Variants in ERP27 observed in about 807,000 individuals in gnomAD.
The protein encoded by ERP27 is endoplasmic reticulum protein 27.
A neutral mutation model predicts 27.7 loss-of-function variants in ERP27; 23 were observed. The ratio of observed to expected loss-of-function variants is 0.83; its 90% CI spans 0.60 to 1.18. ERP27 has a LOEUF of 1.18. ERP27 is among the 50% of genes most tolerant of loss of function. The probability of loss-of-function intolerance (pLI) is 0.00; values close to 1 mark genes in which losing one functional copy is unlikely to be tolerated. For synonymous variants in ERP27, 159 were observed against 118.3 expected (o/e 1.34, Z -2.23); for missense variants, 363 against 327.9 (o/e 1.11, Z -0.83).
At chr12:14,918,404 G>A (rs1004570231) in intron 4 of ERP27, among the ~76,000 whole-genome samples, 2 of 152,192 alleles carry the variant, frequency 1.3e-5, no homozygotes, top group African/African-American at 4.8e-5. Context: ...GATTAGAGAT[G>A]GTGATTTTTC....
At chr12:14,917,891 T>G (rs1251138430) in intron 4 of ERP27, among the ~76,000 whole-genome samples, 1 of 152,222 alleles carries the variant, frequency 6.6e-6, no homozygotes, top group African/African-American at 2.4e-5. Context: ...ATTATCAATG[T>G]TTTTTATTTG....
Position 14,914,488 on chromosome 12 carries a change from A to G in ERP27, c.*247T>C, listed in dbSNP as rs1270584099. 5 of 488,356 alleles carry G rather than the reference A, an allele frequency of 1.0e-5. No homozygotes were observed. The highest frequency in any genetic ancestry group is 1.9e-5 in the African/African-American group (1 of 51,284). The allele number at this position is 488,356 out of a possible 1,614,324, so 30.3% of individuals were successfully genotyped here. A position where few individuals can be genotyped will look rare whatever the true frequency, so the allele number is the denominator to read the frequency against. On this transcript the variant is annotated 3_prime_UTR_variant, in exon 7 of 7. Transcript: ENST00000266397. ...ATGCACGATAAGAAGGAAATTGGAT[A>G]GGGAGTGAGGATATGAAATTTAAAA... is the stretch of plus-strand genomic sequence containing the variant.
At chr12:14,921,400 T>C (rs1356905838) in intron 3 of ERP27, among the ~76,000 whole-genome samples, 1 of 152,106 alleles carries the variant, frequency 6.6e-6, no homozygotes, top group Non-Finnish European at 1.5e-5. Flanking sequence ...CATATGAAAA[T>C]ACTGTGAGAT....
chr12:14,929,475 A>C (rs1421800145), intron 3 of ERP27, among the ~76,000 whole-genome samples: 1 of 152,204 alleles, frequency 6.6e-6, no homozygotes, highest in Non-Finnish European at 1.5e-5. Context: ...TTATTTGCAT[A>C]ATGCACTGGA....
At chr12:14,924,267 A>G (rs914677626) in intron 3 of ERP27, among the ~76,000 whole-genome samples, 1 of 152,094 alleles carries the variant, frequency 6.6e-6, no homozygotes, top group African/African-American at 2.4e-5. Flanking sequence ...TTCTTTCTCC[A>G]TTCATCTGCT....
chr12:14,935,690 C>G (rs1181337745), intron 2 of ERP27, among the ~76,000 whole-genome samples: 1 of 152,168 alleles, frequency 6.6e-6, no homozygotes, highest in African/African-American at 2.4e-5. Flanking sequence ...CTGCCCTTAA[C>G]ATACAAAGAA....
chr12:14,918,279 G>C (rs1237320730), intron 4 of ERP27, among the ~76,000 whole-genome samples: 1 of 152,164 alleles, frequency 6.6e-6, no homozygotes, highest in Non-Finnish European at 1.5e-5. Flanking sequence ...CATGCACAGT[G>C]GATAGCAAAA....
chr12:14,917,064 C>T (rs1418225398), intron 5 of ERP27, 114 bp downstream of exon 5: 7 of 1,255,970 alleles, frequency 5.6e-6, no homozygotes, highest in Non-Finnish European at 7.8e-6. Context: ...TCTTGCTTTG[C>T]TATCTCCTAA....
At chr12:14,925,068 C>G (rs115015101) in intron 3 of ERP27, among the ~76,000 whole-genome samples, 4,274 of 152,312 alleles carry the variant, frequency 0.028, 198 homozygotes, top group African/African-American at 0.097. Flanking sequence ...AAATGGACAA[C>G]CAGCAGCCCT....
Position 14,935,241 on chromosome 12 carries a change from ATAGAGC to A in ERP27, c.196-254_196-249del, listed in dbSNP as rs898616005. 5.1e-6 allele frequency: 4 copies of A among 780,430 alleles called. No homozygotes were observed. In the African/African-American group the frequency reaches 7.5e-5, roughly 15 times the overall value. The allele number at this position is 780,430 out of a possible 1,614,324, so 48.3% of individuals were successfully genotyped here. On this transcript the variant is annotated intron_variant, in intron 2 of 6. Transcript: ENST00000266397. Reference sequence around the variant, plus strand: ...CCTGAGACTCCTGTCAGGCCTTGTCATAGAGCTTGAAGTTTACTAGGGGCTGAGAGA... The same window carrying A: ...CCTGAGACTCCTGTCAGGCCTTGTCATTGAAGTTTACTAGGGGCTGAGAGA...
intron 3 of ERP27, among the ~76,000 whole-genome samples, chr12:14,933,617 C>T (rs759570928): frequency 4.6e-5 from 7 of 152,078 alleles, no homozygotes; most frequent in Admixed American, 1.3e-4. Flanking sequence ...CATTCAGTCC[C>T]GAAATACTGA....
At chr12:14,930,030 G>A (rs979324966) in intron 3 of ERP27, among the ~76,000 whole-genome samples, 2 of 151,858 alleles carry the variant, frequency 1.3e-5, no homozygotes, top group Non-Finnish European at 2.9e-5. Context: ...TAGGGGGCTG[G>A]GGGAGGGAGA....
At chr12:14,930,819 T>G (rs567359565) in intron 3 of ERP27, among the ~76,000 whole-genome samples, 49 of 152,350 alleles carry the variant, frequency 3.2e-4, no homozygotes, top group African/African-American at 1.1e-3. Context: ...TATTTCTAAA[T>G]ATGTTCTTAA....
chr12:14,937,845 A>C (rs1592280916), intron 2 of ERP27, 107 bp downstream of exon 2: 1 of 836,340 alleles, frequency 1.2e-6, no homozygotes, highest in Non-Finnish European at 1.9e-6. Flanking sequence ...GTCTCCCTTT[A>C]CCCCCACTTC....
chr12:14,915,305 C>T (rs1303234372), intron 6 of ERP27, among the ~76,000 whole-genome samples, 184 bp downstream of exon 6: 3 of 152,138 alleles, frequency 2.0e-5, no homozygotes, highest in Non-Finnish European at 2.9e-5. Flanking sequence ...ATACATTGTT[C>T]TTAATGACAG....
At chr12:14,925,707 T>A (rs1863589743) in intron 3 of ERP27, among the ~76,000 whole-genome samples, 1 of 152,198 alleles carries the variant, frequency 6.6e-6, no homozygotes, top group Non-Finnish European at 1.5e-5. Flanking sequence ...GTTTATCAGG[T>A]CACTTGGTGA....
At position 14,920,340 on chromosome 12, in the gene ERP27, G is replaced by A. The variant is rs568963841; in HGVS notation, c.450+592C>T. Among the ~76,000 whole-genome samples, 11 of 152,282 alleles carry A rather than the reference G, an allele frequency of 7.2e-5. No individual in the cohort carries two copies. The East Asian group carries it at 2.1e-3, about 29-fold the overall frequency. ...AGTCAAAGCATGGTTTGCAGCTGCTGCCAGACCAGGAACTGTTTGTTACTG... is the reference window on the plus strand; with the variant it reads ...AGTCAAAGCATGGTTTGCAGCTGCTACCAGACCAGGAACTGTTTGTTACTG... On this transcript the variant is annotated intron_variant, in intron 4 of 6. Transcript: ENST00000266397.
chr12:14,933,073 T>TATTCATTC (rs145855574), intron 3 of ERP27, among the ~76,000 whole-genome samples: 18 of 152,242 alleles, frequency 1.2e-4, no homozygotes, highest in African/African-American at 4.1e-4. Flanking sequence ...AAGAAGAACA[T>TATTCATTC]ATTCATTCAT....
In ERP27 at chr12:14,934,935, A is replaced by G. The variant is rs1565454382; in HGVS notation, c.254T>C (p.Val85Ala). The G allele has an allele frequency of 6.2e-7, 1 of 1,614,156 alleles. No homozygotes were observed. Among genetic ancestry groups the G allele is most frequent in the African/African-American group, 1.3e-5 (1 of 75,044 alleles). The change falls in exon 3 of 7, where the codon GTG (valine) becomes GCG (alanine). Residue 85 changes from valine (V) to alanine (A), a missense_variant. By Grantham distance (64) the Val-to-Ala change is moderately conservative. Coordinates refer to ENST00000266397, the MANE Select transcript of ERP27 (RefSeq NM_152321.4). ...LHSMVQKFPG[V>A]SFGISTDSEV... ...AGAATCAGTGCTGATCCCAAATGACACGCCTGGGAATTTTTGCACCATGCT... is the reference window on the plus strand; with the variant it reads ...AGAATCAGTGCTGATCCCAAATGACGCGCCTGGGAATTTTTGCACCATGCT...
Sources: allele counts gnomAD v4.1 joint callset (sites outside exome capture counted in the v4.1 genomes callset), GRCh38; gene constraint gnomAD v4.1.1; transcripts MANE v1.5; gene names NCBI Gene and HGNC (gene_info 2026-07-23, HGNC 2026-07-21).